Variants in ZNF608 observed in about 807,000 individuals in gnomAD.
ZNF608 encodes the protein zinc finger protein 608, also known as renal carcinoma antigen NY-REN-36.
ZNF608 carries 12 observed loss-of-function variants against 109.0 expected under a neutral mutation model. The ratio of observed to expected loss-of-function variants is 0.11; its 90% CI spans 0.07 to 0.18. ZNF608 has a LOEUF of 0.18. Ranked by LOEUF, ZNF608 falls within the 10% of genes least tolerant of loss-of-function variation. ZNF608 has a pLI of 1.00. For missense variants in ZNF608, 1,707 were observed against 1,879.3 expected (o/e 0.91, Z 1.70); for synonymous variants, 732 against 717.4 (o/e 1.02, Z -0.33).
Position 124,746,350 on chromosome 5 carries a change from T to C in ZNF608, c.-339A>G. The C allele has an allele frequency of 1.0e-6, 1 of 985,314 alleles. No individual in the cohort carries two copies. The highest frequency in any genetic ancestry group is 1.2e-6 in the Non-Finnish European group (1 of 829,896). 61.0% of individuals were successfully genotyped at this position (985,314 alleles called of 1,614,324 possible). On this transcript the variant is annotated 5_prime_UTR_variant, in exon 1 of 10. Coordinates refer to ENST00000513986, the MANE Select transcript of ZNF608 (RefSeq NM_020747.3). ...CATCTCAGCCAGAATAATCACTCGA[T>C]AACATTATTCCACCTCCCCACCCCC...
chr5:124,689,522 A>T (rs1168250266), intron 3 of ZNF608, among the ~76,000 whole-genome samples: 1 of 152,122 alleles, frequency 6.6e-6, no homozygotes, highest in South Asian at 2.1e-4. Flanking sequence ...TAGTTTCCAA[A>T]ATATTCAAAG....
chr5:124,698,278 A>G (rs1321562151), intron 3 of ZNF608, among the ~76,000 whole-genome samples: 2 of 152,238 alleles, frequency 1.3e-5, no homozygotes, highest in East Asian at 3.8e-4. Context: ...TAAACACACT[A>G]TAGTGAGAAA....
intron 2 of ZNF608, among the ~76,000 whole-genome samples, chr5:124,731,386 T>C (rs1465036315): frequency 1.3e-5 from 2 of 152,116 alleles, no homozygotes; most frequent in Non-Finnish European, 2.9e-5. Context: ...AATTTTTGTA[T>C]TCTTTTAGTA....
At chr5:124,689,990 G>A (rs548669778) in intron 3 of ZNF608, among the ~76,000 whole-genome samples, 1 of 152,274 alleles carries the variant, frequency 6.6e-6, no homozygotes, top group East Asian at 1.9e-4. Context: ...TTTCAGGAGT[G>A]AATGGACAAA....
At chr5:124,712,351 T>A (rs922722121) in intron 2 of ZNF608, among the ~76,000 whole-genome samples, 2 of 152,002 alleles carry the variant, frequency 1.3e-5, no homozygotes, top group Non-Finnish European at 2.9e-5. Flanking sequence ...TTGGGCAACG[T>A]CTATCAGGCG....
chr5:124,708,811 C>A, intron 2 of ZNF608: 1 of 454,832 alleles, frequency 2.2e-6, no homozygotes, highest in Non-Finnish European at 4.4e-6. Context: ...GGCCCCAAGG[C>A]CAGTGGGGCC....
intron 2 of ZNF608, among the ~76,000 whole-genome samples, chr5:124,739,996 C>T (rs1019620194): frequency 6.6e-6 from 1 of 152,210 alleles, no homozygotes; most frequent in African/African-American, 2.4e-5. Context: ...TGCAGCCAAG[C>T]AATTTCACTT....
intron 3 of ZNF608, among the ~76,000 whole-genome samples, chr5:124,694,391 A>G (rs1271507733): frequency 6.6e-6 from 1 of 151,816 alleles, no homozygotes; most frequent in East Asian, 1.9e-4. Flanking sequence ...TTTTTCATCA[A>G]TGTACTCAGA....
chr5:124,704,394 G>A (rs563737391), intron 2 of ZNF608, among the ~76,000 whole-genome samples: 1 of 152,024 alleles, frequency 6.6e-6, no homozygotes, highest in African/African-American at 2.4e-5. Flanking sequence ...GAGGAGAATC[G>A]CAGTTTCTCC....
At chr5:124,725,945 T>G (rs1382425987) in intron 2 of ZNF608, among the ~76,000 whole-genome samples, 1 of 152,002 alleles carries the variant, frequency 6.6e-6, no homozygotes, top group African/African-American at 2.4e-5. Context: ...TAGAAAAGGG[T>G]GCTATATTCA....
chr5:124,745,185 G>A lies in ZNF608; in HGVS notation c.-183-13C>T, dbSNP rs1188427092. The A allele has an allele frequency of 7.1e-7, 1 of 1,404,268 alleles. No homozygotes were observed. Among genetic ancestry groups the A allele is most frequent in the Non-Finnish European group, 9.2e-7 (1 of 1,088,110 alleles). 87.0% of individuals were successfully genotyped at this position (1,404,268 alleles called of 1,614,324 possible). Reference sequence around the variant, plus strand: ...GGTCCACCTTTTCCTGTGAAGGGGGGGGGAAAAGTCGAATATTTCTTGTCT... The same window carrying A: ...GGTCCACCTTTTCCTGTGAAGGGGGAGGGAAAAGTCGAATATTTCTTGTCT... On this transcript the variant is annotated splice_polypyrimidine_tract_variant and intron_variant, in intron 1 of 9. Coordinates refer to ENST00000513986, the MANE Select transcript of ZNF608 (RefSeq NM_020747.3).
chr5:124,706,947 GAAGAA>G (rs1753285364), intron 2 of ZNF608, among the ~76,000 whole-genome samples: 1 of 152,154 alleles, frequency 6.6e-6, no homozygotes, highest in African/African-American at 2.4e-5. Flanking sequence ...GGGAGGCAGG[GAAGAA>G]AAGGTTATTT....
chr5:124,697,565 A>C (rs1752900462), intron 3 of ZNF608, among the ~76,000 whole-genome samples: 1 of 152,214 alleles, frequency 6.6e-6, no homozygotes, highest in Admixed American at 6.5e-5. Context: ...ATGCAGTAAT[A>C]GTTTTTCTCT....
At chr5:124,710,074 A>G (rs1753427456) in intron 2 of ZNF608, 1 of 338,848 alleles carries the variant, frequency 3.0e-6, no homozygotes, top group African/African-American at 2.2e-5. Flanking sequence ...TAATGCATGT[A>G]TCTTAGTTGA....
chr5:124,671,926 T>C (rs1751745232), intron 3 of ZNF608, among the ~76,000 whole-genome samples: 1 of 152,160 alleles, frequency 6.6e-6, no homozygotes, highest in Non-Finnish European at 1.5e-5. Context: ...GCATGAGCCA[T>C]TGTGTCCAGC....
At chr5:124,710,468 G>T in intron 2 of ZNF608, 2 of 307,960 alleles carry the variant, frequency 6.5e-6, no homozygotes, top group South Asian at 5.6e-5. Context: ...AAAGCTATGC[G>T]GTGAGCTGAG....
chr5:124,648,298 C>T lies in ZNF608; in HGVS notation c.2086G>A (p.Glu696Lys), dbSNP rs1750627045. The change falls in exon 5 of 10, where the codon GAG (glutamate) becomes AAG (lysine). Residue 696 changes from glutamate (E) to lysine (K), a missense_variant. Coordinates refer to ENST00000513986, the MANE Select transcript of ZNF608 (RefSeq NM_020747.3). ...CCTTCTGCTTCCAGTTTAGGCATCTCAGCAGCCAAACTGCCGTCTGCTGCC... is the reference window on the plus strand; with the variant it reads ...CCTTCTGCTTCCAGTTTAGGCATCTTAGCAGCCAAACTGCCGTCTGCTGCC... ...CSAADGSLAA[E>K]MPKLEAEGLI... 6.2e-7 allele frequency: 1 copy of T among 1,614,182 alleles called. No individual in the cohort carries two copies. Among genetic ancestry groups the T allele is most frequent in the Non-Finnish European group, 8.5e-7 (1 of 1,180,030 alleles).
intron 2 of ZNF608, among the ~76,000 whole-genome samples, chr5:124,727,214 T>C (rs79399452): frequency 0.14 from 21,767 of 152,188 alleles, 1,790 homozygotes; most frequent in Admixed American, 0.24. Flanking sequence ...AATAGAAAAT[T>C]TCACAACCCT....
chr5:124,718,017 G>A (rs1446570402), intron 2 of ZNF608, among the ~76,000 whole-genome samples: 2 of 152,200 alleles, frequency 1.3e-5, no homozygotes, highest in Admixed American at 6.5e-5. Flanking sequence ...ACATGGCTGA[G>A]CAATTGGTGC....
Sources: allele counts gnomAD v4.1 joint callset (sites outside exome capture counted in the v4.1 genomes callset), GRCh38; gene constraint gnomAD v4.1.1; transcripts MANE v1.5; gene names NCBI Gene and HGNC (gene_info 2026-07-23, HGNC 2026-07-21).